The following SHB variants were observed in gnomAD, a reference collection of about 807,000 sequenced individuals.
SHB encodes SH2 domain-containing adapter protein B.
In SHB, 20 loss-of-function variants were observed where a neutral mutation model predicts 52.3. The ratio of observed to expected loss-of-function variants is 0.38; its 90% CI spans 0.27 to 0.56. The LOEUF (loss-of-function observed/expected upper bound fraction) is 0.56, where lower values mean the gene tolerates loss of function less well. Among genes scored for constraint, SHB ranks in the 20% least tolerant of loss-of-function variants. SHB has a pLI of 0.71. For missense variants in SHB, 825 were observed against 723.3 expected (o/e 1.14, Z -1.61); for synonymous variants, 397 against 316.5 (o/e 1.25, Z -2.70).
In SHB at chr9:38,068,202, G is replaced by A. The variant is rs1397778807; in HGVS notation, c.444C>T (p.Ala148=). The part of the protein sequence containing the change: ...GCCCASSGAG[A]AASSSSSSGS... ...CGGAGGACGAGGACGAGGACGCGGCGGCCCCCGCGCCCGAGGAGGCGCAGC... is the reference window on the plus strand; with the variant it reads ...CGGAGGACGAGGACGAGGACGCGGCAGCCCCCGCGCCCGAGGAGGCGCAGC... The change falls in exon 1 of 6, where the codon GCC becomes GCT. Residue 148 remains alanine, a synonymous_variant. Transcript: ENST00000377707. 1.1e-5 allele frequency: 15 copies of A among 1,400,832 alleles called. No homozygotes were observed. The highest frequency in any genetic ancestry group is 1.1e-5 in the Non-Finnish European group (12 of 1,090,682). 86.8% of individuals were successfully genotyped at this position (1,400,832 alleles called of 1,614,324 possible).
intron 1 of SHB, among the ~76,000 whole-genome samples, chr9:38,051,716 T>C (rs1297730329): frequency 6.6e-6 from 1 of 152,196 alleles, no homozygotes; most frequent in Non-Finnish European, 1.5e-5. Flanking sequence ...AGGAGCTGAC[T>C]GATGGCAACA....
intron 1 of SHB, among the ~76,000 whole-genome samples, chr9:38,067,486 G>A (rs945038600): frequency 9.9e-5 from 15 of 152,212 alleles, no homozygotes; most frequent in Admixed American, 2.0e-4. Context: ...CTGCCACCAA[G>A]AAAGCTGTGT....
At chr9:37,936,553 C>G (rs1243882735) in intron 5 of SHB, among the ~76,000 whole-genome samples, 1 of 152,156 alleles carries the variant, frequency 6.6e-6, no homozygotes, top group Non-Finnish European at 1.5e-5. Context: ...GGTGTTGAGA[C>G]CAAAAGACAC....
At chr9:37,977,330 G>A (rs1369167370) in intron 2 of SHB, among the ~76,000 whole-genome samples, 1 of 152,082 alleles carries the variant, frequency 6.6e-6, no homozygotes. Context: ...GAGAGCCACC[G>A]GGAAATGCAA....
rs373961762 is a variant in SHB at position 37,956,044 on chromosome 9, A to G, written c.1065T>C (p.Asn355=). The G allele has an allele frequency of 3.1e-5, 49 of 1,561,916 alleles. No individual in the cohort carries two copies. In the African/African-American group the frequency reaches 5.8e-4, roughly 18 times the overall value. ...VTIPALAAQF[N]GNEKRQSSPS... is the part of the protein sequence containing the mutation. ...GGGATGACTGCCGCTTCTCGTTGCC[A>G]TTAAACTGTGCTGTGGGGAGAGAGA... The change falls in exon 4 of 6, where the codon AAT becomes AAC. Residue 355 remains asparagine, a synonymous_variant. Transcript: ENST00000377707.
chr9:38,030,521 G>A (rs1821400403), intron 1 of SHB, among the ~76,000 whole-genome samples: 1 of 152,102 alleles, frequency 6.6e-6, no homozygotes, highest in Non-Finnish European at 1.5e-5. Context: ...TTATTTCTGG[G>A]GTTAAGAACA....
chr9:38,062,942 G>T (rs968057065), intron 1 of SHB, among the ~76,000 whole-genome samples: 4 of 152,180 alleles, frequency 2.6e-5, no homozygotes, highest in African/African-American at 9.7e-5. Context: ...AACCACGGGC[G>T]GTTTTGGGGT....
At chr9:37,986,238 G>A (rs1820805834) in intron 2 of SHB, among the ~76,000 whole-genome samples, 1 of 152,198 alleles carries the variant, frequency 6.6e-6, no homozygotes, top group Non-Finnish European at 1.5e-5. Flanking sequence ...CTCTCCAGGA[G>A]AGGACGATGA....
In SHB at chr9:37,976,449, T is replaced by G. The variant is rs533736341; in HGVS notation, c.839-1612A>C. On this transcript the variant is annotated intron_variant, in intron 2 of 5. Coordinates refer to ENST00000377707, the MANE Select transcript of SHB (RefSeq NM_003028.3). ...CTAGAACTGTTTCATCTTCCCAAAC[T>G]GAAACCCTGTACCCATTAAACACTA... Among the ~76,000 whole-genome samples, 44 of 152,316 alleles carry G rather than the reference T, an allele frequency of 2.9e-4. No individual in the cohort carries two copies. The South Asian group carries it at 8.9e-3, about 31-fold the overall frequency.
intron 5 of SHB, among the ~76,000 whole-genome samples, chr9:37,931,985 T>TA (rs57531339): frequency 0.14 from 21,229 of 151,884 alleles, 1,595 homozygotes; most frequent in African/African-American, 0.21. Flanking sequence ...GATACAGAAA[T>TA]AAAATATTGT....
At chr9:37,976,964 G>A (rs1820664469) in intron 2 of SHB, among the ~76,000 whole-genome samples, 1 of 152,298 alleles carries the variant, frequency 6.6e-6, no homozygotes. Context: ...AGAAACAGAA[G>A]CCAAGGATAC....
chr9:37,937,283 G>A lies in SHB; in HGVS notation c.1346+11352C>T, dbSNP rs143142051. On this transcript the variant is annotated intron_variant, in intron 5 of 5. Coordinates refer to ENST00000377707, the MANE Select transcript of SHB (RefSeq NM_003028.3). ...CGCCCTGAAAGCCTGTGCTTAAAAC[G>A]TGGCAGGGTGATCTCCAAGCTGCCT... Among the ~76,000 whole-genome samples, 515 of 152,278 alleles carry A rather than the reference G, an allele frequency of 3.4e-3. 2 individuals carry two copies. Among genetic ancestry groups the A allele is most frequent in the African/African-American group, 0.012 (482 of 41,528 alleles).
Position 37,919,702 on chromosome 9 carries a change from A to G in SHB, c.*119T>C, listed in dbSNP as rs1832152323. 3 of 742,216 alleles carry G rather than the reference A, an allele frequency of 4.0e-6. No homozygotes were observed. Among genetic ancestry groups the G allele is most frequent in the Non-Finnish European group, 2.3e-6 (1 of 431,692 alleles). 46.0% of individuals were successfully genotyped at this position (742,216 alleles called of 1,614,324 possible). A position where few individuals can be genotyped will look rare whatever the true frequency, so the allele number is the denominator to read the frequency against. Reference sequence around the variant, plus strand: ...TTCTAGAGACATGCAGTGGTGTGCTAGTACCATACACACAACACAAACGAC... The same window carrying G: ...TTCTAGAGACATGCAGTGGTGTGCTGGTACCATACACACAACACAAACGAC... On this transcript the variant is annotated 3_prime_UTR_variant, in exon 6 of 6. Coordinates refer to ENST00000377707, the MANE Select transcript of SHB (RefSeq NM_003028.3).
chr9:38,034,527 T>G (rs1266633071), intron 1 of SHB, among the ~76,000 whole-genome samples: 7 of 152,238 alleles, frequency 4.6e-5, no homozygotes, highest in African/African-American at 1.7e-4. Flanking sequence ...CTGATCATTC[T>G]TCCTGAAATT....
At chr9:38,011,750 T>C (rs1587242977) in intron 2 of SHB, among the ~76,000 whole-genome samples, 1 of 152,146 alleles carries the variant, frequency 6.6e-6, no homozygotes, top group Admixed American at 6.5e-5. Flanking sequence ...ATTTAATCAG[T>C]GGGTTTTAAA....
chr9:37,983,073 T>A (rs1189356541), intron 2 of SHB, among the ~76,000 whole-genome samples: 1 of 150,450 alleles, frequency 6.6e-6, no homozygotes, highest in African/African-American at 2.5e-5. Flanking sequence ...CAGAGAGGAA[T>A]GAGATGCAGT....
intron 1 of SHB, among the ~76,000 whole-genome samples, chr9:38,035,782 C>T (rs541918497): frequency 1.3e-5 from 2 of 152,266 alleles, no homozygotes; most frequent in East Asian, 3.9e-4. Context: ...CAGTGATTCT[C>T]AACATAGCTG....
intron 2 of SHB, among the ~76,000 whole-genome samples, chr9:38,003,116 T>C (rs1048804714): frequency 6.6e-6 from 1 of 152,122 alleles, no homozygotes; most frequent in Non-Finnish European, 1.5e-5. Context: ...TATTGTCTAG[T>C]TTCCTCTGAG....
chr9:37,935,868 C>T (rs553038907), intron 5 of SHB, among the ~76,000 whole-genome samples: 1 of 152,048 alleles, frequency 6.6e-6, no homozygotes, highest in East Asian at 1.9e-4. Context: ...AGAGCCGGAA[C>T]CAGAAATGCG....
Sources: gnomAD v4.1 joint callset for allele counts (sites outside exome capture counted in the v4.1 genomes callset) on GRCh38, gnomAD v4.1.1 for gene constraint, MANE v1.5 for transcripts, NCBI Gene and HGNC (gene_info 2026-07-23, HGNC 2026-07-21) for gene names.